Variants in NRXN3 observed in about 807,000 individuals in gnomAD.
NRXN3 encodes the protein neurexin III.
Under a neutral mutation model 137.6 loss-of-function variants are expected in NRXN3, and 32 were observed. The observed-to-expected ratio is 0.23, with a 90% CI of 0.18 to 0.31. The LOEUF (loss-of-function observed/expected upper bound fraction) is 0.31. Ranked by LOEUF, NRXN3 falls within the 10% of genes least tolerant of loss-of-function variation. NRXN3 has a pLI of 1.00. For missense variants in NRXN3, 1,574 were observed against 2,062.5 expected, an observed-to-expected ratio of 0.76 and a Z score of 4.59; for synonymous variants, 798 against 784.5, an observed-to-expected ratio of 1.02 and a Z score of -0.29.
intron 2 of NRXN3, among the ~76,000 whole-genome samples, chr14:78,265,168 A>T (rs2071488374): frequency 6.6e-6 from 1 of 152,134 alleles, no homozygotes; most frequent in South Asian, 2.1e-4. Flanking sequence ...TCTTTTCTTT[A>T]TTGGGAAGTT....
chr14:79,079,369 A>G (rs1292274111), intron 15 of NRXN3, among the ~76,000 whole-genome samples: 1 of 152,228 alleles, frequency 6.6e-6, no homozygotes, highest in Non-Finnish European at 1.5e-5. Flanking sequence ...GAAGGAAAAT[A>G]TAAATATATC....
At chr14:79,473,834 G>A (rs912762972) in intron 16 of NRXN3, among the ~76,000 whole-genome samples, 2 of 146,230 alleles carry the variant, frequency 1.4e-5, no homozygotes, top group Non-Finnish European at 3.0e-5. Context: ...AGGACCTGCT[G>A]GGCATTGTCT....
intron 8 of NRXN3, among the ~76,000 whole-genome samples, chr14:78,750,111 A>G (rs1595489999): frequency 6.6e-6 from 1 of 152,192 alleles, no homozygotes; most frequent in Non-Finnish European, 1.5e-5. Context: ...TTCCGCTAAT[A>G]CCAACCATTC....
At chr14:79,271,999 A>C (rs2079408457) in intron 15 of NRXN3, among the ~76,000 whole-genome samples, 1 of 152,184 alleles carries the variant, frequency 6.6e-6, no homozygotes, top group Non-Finnish European at 1.5e-5. Context: ...CAGTGGACCC[A>C]GGATTTGAAC....
chr14:79,676,585 C>T lies in NRXN3; in HGVS notation c.3616+12636C>T, dbSNP rs546342159. On this transcript the variant is annotated intron_variant, in intron 17 of 20. Coordinates refer to ENST00000335750, the MANE Select transcript of NRXN3 (RefSeq NM_001330195.2). ...AGAGAGTAGATTTTAGGTATTCATA[C>T]GACAAAGAAGAAAGAAAGGAAAGGG... is the stretch of plus-strand genomic sequence containing the variant. 9.9e-5 allele frequency among the ~76,000 whole-genome samples: 15 copies of T among 151,132 alleles called. No homozygotes were observed. The South Asian group carries it at 1.3e-3, about 13-fold the overall frequency.
At chr14:78,970,940 C>T (rs983197983) in intron 14 of NRXN3, among the ~76,000 whole-genome samples, 2 of 152,096 alleles carry the variant, frequency 1.3e-5, no homozygotes, top group Admixed American at 6.6e-5. Flanking sequence ...TTATGCCTAC[C>T]CCGCTGGGTG....
rs761149381 is a variant in NRXN3, at chr14:79,861,719, G to A, written c.4471G>A (p.Glu1491Lys). 2.5e-6 allele frequency: 4 copies of A among 1,614,082 alleles called. No homozygotes were observed. The Admixed American group carries it at 6.7e-5, about 27-fold the overall frequency. The change falls in exon 21 of 21, where the codon GAG becomes AAG. Residue 1491 changes from glutamate to lysine, a missense_variant. Physicochemically the swap from Glu to Lys is moderately conservative, Grantham distance 56 (BLOSUM62 1). This residue lies in a region of NRXN3 where 320 missense variants were observed against 387.1 expected (regional missense o/e 0.83). Transcript: ENST00000335750. This position sits in a 1 kb window ranked among gnomAD's most constrained non-coding sequence, Gnocchi z 5.4. Reference sequence around the variant, plus strand: ...TCCGGGGGCCTCAGAGGTGATCCGGGAGTCGAGCAGCACAACAGGGATGGT... The same window carrying A: ...TCCGGGGGCCTCAGAGGTGATCCGGAAGTCGAGCAGCACAACAGGGATGGT... ...RVPGASEVIRESSSTTGMVVG... is the reference protein window; with the variant it reads ...RVPGASEVIRKSSSTTGMVVG...
intron 4 of NRXN3, among the ~76,000 whole-genome samples, chr14:78,563,368 G>T (rs1348854843): frequency 6.6e-6 from 1 of 152,214 alleles, no homozygotes; most frequent in Non-Finnish European, 1.5e-5. Context: ...ATAGAGAAAT[G>T]ATAACGGAAA....
chr14:78,431,418 G>C (rs576369811), intron 4 of NRXN3, among the ~76,000 whole-genome samples: 156 of 152,334 alleles, frequency 1.0e-3, no homozygotes, highest in African/African-American at 3.3e-3. Context: ...ATGGCAATAG[G>C]AGTATAGGAA....
At chr14:78,846,726 T>C (rs147177544) in intron 10 of NRXN3, among the ~76,000 whole-genome samples, 183 of 152,164 alleles carry the variant, frequency 1.2e-3, no homozygotes, top group Non-Finnish European at 2.2e-3. Context: ...TGAAACCACT[T>C]ATGGTCAGCA....
chr14:79,765,911 TCATA>T (rs2099054453), intron 19 of NRXN3, among the ~76,000 whole-genome samples: 2 of 152,352 alleles, frequency 1.3e-5, no homozygotes, highest in African/African-American at 4.8e-5. Context: ...TCTTATATGT[TCATA>T]CAGTTTGCTT....
rs138625836 is a variant in NRXN3 at position 78,794,012 on chromosome 14, T to C, written c.2045-9608T>C. On this transcript the variant is annotated intron_variant, in intron 8 of 20. Coordinates refer to ENST00000335750, the MANE Select transcript of NRXN3 (RefSeq NM_001330195.2). ...AAAAAATCATAGATGAAGGAGAAAA[T>C]GTCAAAGAATAATGTTCTCATTTTT... Among the ~76,000 whole-genome samples the C allele has an allele frequency of 2.4e-3, 358 of 152,080 alleles. 2 individuals carry two copies. The highest frequency in any genetic ancestry group is 8.3e-3 in the African/African-American group (344 of 41,484).
intron 15 of NRXN3, among the ~76,000 whole-genome samples, chr14:79,367,795 G>C (rs1023500755): frequency 3.9e-5 from 6 of 152,168 alleles, no homozygotes; most frequent in Admixed American, 3.9e-4. Flanking sequence ...TGGGATTTAA[G>C]AAAGCTTGTA....
intron 8 of NRXN3, among the ~76,000 whole-genome samples, chr14:78,797,654 G>C (rs1424600014): frequency 6.6e-6 from 1 of 152,032 alleles, no homozygotes; most frequent in Non-Finnish European, 1.5e-5. Flanking sequence ...GATTAGAGTT[G>C]GCAGAAGATA....
chr14:78,674,391 C>T (rs1196824222), intron 6 of NRXN3, among the ~76,000 whole-genome samples: 2 of 152,182 alleles, frequency 1.3e-5, no homozygotes, highest in Non-Finnish European at 2.9e-5. Context: ...CTACTCCAAG[C>T]ACATTGAAAT....
chr14:79,486,962 CCA>C (rs1175039172), intron 16 of NRXN3, among the ~76,000 whole-genome samples: 1 of 124,054 alleles, frequency 8.1e-6, no homozygotes, highest in East Asian at 3.2e-4. Flanking sequence ...TCTCTCTCTC[CCA>C]CACACACACA....
chr14:79,388,238 C>T (rs899629528), intron 15 of NRXN3, among the ~76,000 whole-genome samples: 2 of 152,054 alleles, frequency 1.3e-5, no homozygotes, highest in African/African-American at 2.4e-5. Context: ...TGAGGCCTCT[C>T]CAAAACCTGA....
chr14:78,412,710 C>T (rs533162934), intron 4 of NRXN3, among the ~76,000 whole-genome samples: 118 of 152,248 alleles, frequency 7.8e-4, no homozygotes, highest in African/African-American at 2.7e-3. Context: ...GCTGCTCACC[C>T]GACTCCATAG....
intron 1 of NRXN3, among the ~76,000 whole-genome samples, chr14:78,219,246 A>G (rs1363434741): frequency 6.6e-6 from 1 of 152,164 alleles, no homozygotes; most frequent in Non-Finnish European, 1.5e-5. Flanking sequence ...TGGAAATTTC[A>G]TGTGACATCT....
Sources: gnomAD v4.1 joint callset for allele counts (sites outside exome capture counted in the v4.1 genomes callset) on GRCh38, gnomAD v4.1.1 for gene constraint, gnomAD v4.1.1 regional missense constraint, Gnocchi (gnomAD v3.1) non-coding constraint, MANE v1.5 for transcripts, NCBI Gene and HGNC (gene_info 2026-07-23, HGNC 2026-07-21) for gene names.